Variants in PPP1R13B observed in about 807,000 individuals in gnomAD.
PPP1R13B encodes apoptosis-stimulating of p53 protein 1.
PPP1R13B carries 44 observed loss-of-function variants against 119.8 expected under a neutral mutation model. The ratio of observed to expected loss-of-function variants is 0.37; its 90% confidence interval spans 0.29 to 0.47. The LOEUF is 0.47. PPP1R13B is among the 20% of genes least tolerant of loss of function. PPP1R13B has a pLI of 0.99. For missense variants in PPP1R13B, 1,227 were observed against 1,413.5 expected (o/e 0.87, Z 2.12); for synonymous variants, 542 against 561.5 (o/e 0.97, Z 0.49).
At chr14:103,805,266 T>C (rs929123140) in intron 1 of PPP1R13B, among the ~76,000 whole-genome samples, 2 of 152,100 alleles carry the variant, frequency 1.3e-5, no homozygotes, top group African/African-American at 4.8e-5. Context: ...GCACTGTTCA[T>C]AGTAGCCAAA....
Position 103,847,524 on chromosome 14 carries a change from C to A in PPP1R13B, c.-217G>T. On this transcript the variant is annotated 5_prime_UTR_variant, in exon 1 of 17. Coordinates refer to ENST00000202556, the MANE Select transcript of PPP1R13B (RefSeq NM_015316.3). Reference sequence around the variant, plus strand: ...GTCGCTGTCCCGGGCACCCGGCCGCCGCCGCCGCCGCCTCAACCTCAGCCT... The same window carrying A: ...GTCGCTGTCCCGGGCACCCGGCCGCAGCCGCCGCCGCCTCAACCTCAGCCT... The A allele has an allele frequency of 3.0e-6, 3 of 984,958 alleles. No homozygotes were observed. The highest frequency in any genetic ancestry group is 3.6e-6 in the Non-Finnish European group (3 of 830,918). 61.0% of individuals were successfully genotyped at this position (984,958 alleles called of 1,614,324 possible).
intron 1 of PPP1R13B, among the ~76,000 whole-genome samples, chr14:103,840,605 A>G (rs896033712): frequency 1.3e-5 from 2 of 151,942 alleles, no homozygotes; most frequent in African/African-American, 2.4e-5. Flanking sequence ...CTTGGCCAAC[A>G]TGGTGAAACC....
chr14:103,765,986 T>TA (rs1555436561), intron 4 of PPP1R13B, among the ~76,000 whole-genome samples: 3 of 139,058 alleles, frequency 2.2e-5, no homozygotes, highest in East Asian at 2.0e-4. Flanking sequence ...AAATTTTTAT[T>TA]TTATTATTAT....
chr14:103,817,900 A>G (rs376941237), intron 1 of PPP1R13B, among the ~76,000 whole-genome samples: 5 of 152,064 alleles, frequency 3.3e-5, no homozygotes, highest in Admixed American at 6.6e-5. Context: ...AAACAGTGCT[A>G]AAGTTTATGA....
At chr14:103,748,752 G>A (rs1173337727) in intron 8 of PPP1R13B, among the ~76,000 whole-genome samples, 2 of 152,216 alleles carry the variant, frequency 1.3e-5, no homozygotes, top group Non-Finnish European at 2.9e-5. Context: ...TGCACTGTGA[G>A]CAGCAGCAAG....
In PPP1R13B at chr14:103,734,856, G is replaced by T. The variant is rs956186879; in HGVS notation, c.*298C>A. On this transcript the variant is annotated 3_prime_UTR_variant, in exon 17 of 17. Coordinates refer to ENST00000202556, the MANE Select transcript of PPP1R13B (RefSeq NM_015316.3). ...TCTGTCTTCACTGGCAACCAACCGG[G>T]GGTTATGGGACTTCTTAATGGCAAG... The T allele has an allele frequency of 5.9e-6, 3 of 506,294 alleles. No homozygotes were observed. The highest frequency in any genetic ancestry group is 4.9e-5 in the Admixed American group (2 of 41,142). The allele number at this position is 506,294 out of a possible 1,614,324, so 31.4% of individuals were successfully genotyped here.
chr14:103,735,717 G>C (rs1264297726), intron 16 of PPP1R13B, among the ~76,000 whole-genome samples: 1 of 152,234 alleles, frequency 6.6e-6, no homozygotes, highest in Admixed American at 6.5e-5. Flanking sequence ...GCTGAGCCGG[G>C]CCACTTGGTG....
At chr14:103,802,034 C>T (rs532780406) in intron 1 of PPP1R13B, among the ~76,000 whole-genome samples, 2 of 152,302 alleles carry the variant, frequency 1.3e-5, no homozygotes, top group South Asian at 4.1e-4. Flanking sequence ...AACAGGTAAT[C>T]ACTGGATCCA....
intron 2 of PPP1R13B, among the ~76,000 whole-genome samples, chr14:103,791,803 A>G (rs2085628675): frequency 6.6e-6 from 1 of 152,220 alleles, no homozygotes; most frequent in Admixed American, 6.5e-5. Flanking sequence ...ATTTTTTTAT[A>G]TACACATATG....
upstream of PPP1R13B, chr14:103,847,592 G>C (rs905682333): frequency 1.0e-6 from 1 of 979,622 alleles, no homozygotes; most frequent in Non-Finnish European, 1.2e-6. Flanking sequence ...CGCCCGCCCG[G>C]CTCGCTCTTC....
At chr14:103,765,032 A>T (rs2151996658) in intron 4 of PPP1R13B, among the ~76,000 whole-genome samples, 1 of 152,186 alleles carries the variant, frequency 6.6e-6, no homozygotes, top group East Asian at 1.9e-4. Context: ...GTTAGCCAGG[A>T]TGGTCTCGAT....
chr14:103,819,572 A>G lies in PPP1R13B; in HGVS notation c.10-22054T>C, dbSNP rs576973295. Among the ~76,000 whole-genome samples the G allele has an allele frequency of 5.3e-5, 8 of 152,248 alleles. No homozygotes were observed. In the South Asian group the frequency reaches 1.7e-3, roughly 32 times the overall value. On this transcript the variant is annotated intron_variant, in intron 1 of 16. Coordinates refer to ENST00000202556, the MANE Select transcript of PPP1R13B (RefSeq NM_015316.3). ...CAGGAAGGAGTCTCAGGAGGCTAAT[A>G]TAAAAATCCAGGAGAGAATGAGAAC...
intron 1 of PPP1R13B, among the ~76,000 whole-genome samples, chr14:103,799,424 C>T (rs1422602049): frequency 1.3e-5 from 2 of 151,896 alleles, no homozygotes; most frequent in Non-Finnish European, 2.9e-5. Context: ...ATGATCCGCC[C>T]GCCTTGGCCT....
chr14:103,762,680 A>C (rs2151993773), intron 4 of PPP1R13B: 1 of 548,858 alleles, frequency 1.8e-6, no homozygotes, highest in South Asian at 2.0e-5. Context: ...GAAAAACGGG[A>C]ACCAAGAGCA....
chr14:103,778,884 T>C (rs2085273302), intron 3 of PPP1R13B, 63 bp from the exon 4 acceptor site: 1 of 1,222,920 alleles, frequency 8.2e-7, no homozygotes, highest in South Asian at 1.2e-5. Context: ...TATTCTCCCA[T>C]TTCTTCATGT....
At position 103,795,791 on chromosome 14, in the gene PPP1R13B, T is replaced by C. The variant is rs569679024; in HGVS notation, c.157+1580A>G. ...AGGCTAACAATTGAGGGCCTGTCCT[T>C]TTACTTCTAATTTAGTAATAGTCCA... On this transcript the variant is annotated intron_variant, in intron 2 of 16. Transcript: ENST00000202556. Among the ~76,000 whole-genome samples, 404 of 152,306 alleles carry C rather than the reference T, an allele frequency of 2.7e-3. 3 individuals are homozygous for C. The highest frequency in any genetic ancestry group is 4.6e-3 in the Non-Finnish European group (312 of 68,026).
intron 1 of PPP1R13B, among the ~76,000 whole-genome samples, chr14:103,825,497 G>T (rs1269663798): frequency 6.6e-6 from 1 of 152,178 alleles, no homozygotes; most frequent in Non-Finnish European, 1.5e-5. Flanking sequence ...ACACACAAAT[G>T]ATAAAAGCCT....
At chr14:103,794,500 GT>G (rs548679108) in intron 2 of PPP1R13B, 1 of 261,596 alleles carries the variant, frequency 3.8e-6, no homozygotes, top group Admixed American at 4.7e-5. Context: ...CTAATTTTTT[GT>G]TTTTTTAGTA....
At chr14:103,750,416 CAG>C (rs1208384759) in intron 7 of PPP1R13B, among the ~76,000 whole-genome samples, 1 of 152,220 alleles carries the variant, frequency 6.6e-6, no homozygotes, top group African/African-American at 2.4e-5. Context: ...TAGGACAGAA[CAG>C]AAAATATCAG....
Sources: gnomAD v4.1 joint callset for allele counts (sites outside exome capture counted in the v4.1 genomes callset) on GRCh38, gnomAD v4.1.1 for gene constraint, MANE v1.5 for transcripts, NCBI Gene and HGNC (gene_info 2026-07-23, HGNC 2026-07-21) for gene names.